Variants in INTS6L observed in about 807,000 individuals in gnomAD.
INTS6L encodes integrator complex subunit 6-like.
In INTS6L, 18 loss-of-function variants were observed where a neutral mutation model predicts 64.7. The ratio of observed to expected loss-of-function variants is 0.28; its 90% CI spans 0.19 to 0.41. The LOEUF is 0.41. INTS6L is among the 10% of genes least tolerant of loss of function. The pLI is 1.00. For synonymous variants in INTS6L, 227 were observed against 235.9 expected, an observed-to-expected ratio of 0.96 and a Z score of 0.34; for missense variants, 533 against 661.0, an observed-to-expected ratio of 0.81 and a Z score of 2.12.
intron 2 of INTS6L, among the ~76,000 whole-genome samples, chrX:135,534,269 A>C (rs1024095394): frequency 1.8e-5 from 2 of 109,548 alleles, no homozygotes; most frequent in Non-Finnish European, 1.9e-5. Context: ...ATGGTGAACT[A>C]TGTGTCAGTG....
intron 14 of INTS6L, among the ~76,000 whole-genome samples, chrX:135,575,975 C>T (rs1287385766): frequency 2.7e-5 from 3 of 111,838 alleles, no homozygotes; most frequent in African/African-American, 9.7e-5. Flanking sequence ...TCACCTAAAT[C>T]CTCAATTTAT....
chrX:135,558,228 G>A (rs1386639760), intron 9 of INTS6L, among the ~76,000 whole-genome samples: 2 of 111,760 alleles, frequency 1.8e-5, no homozygotes, highest in Non-Finnish European at 3.8e-5. Context: ...AACCAGTATG[G>A]AAAACAGATA....
At chrX:135,543,862 G>A (rs1556513939) in intron 2 of INTS6L, among the ~76,000 whole-genome samples, 1 of 112,142 alleles carries the variant, frequency 8.9e-6, no homozygotes, top group Non-Finnish European at 1.9e-5. Context: ...GCCATAAAGA[G>A]TTATTCTCAT....
At chrX:135,523,197 C>T (rs1556498759) in intron 2 of INTS6L, among the ~76,000 whole-genome samples, 1 of 106,607 alleles carries the variant, frequency 9.4e-6, no homozygotes, top group Non-Finnish European at 1.9e-5. Context: ...CCAGCCTGGG[C>T]AACATGGTGA....
At position 135,572,931 on chromosome X, in the gene INTS6L, T is replaced by C; in HGVS notation, c.1515T>C (p.Asn505=). The change falls in exon 12 of 18, where the codon AAT becomes AAC. Residue 505 remains asparagine, a synonymous_variant. Transcript: ENST00000639893. The part of the protein sequence containing the change: ...GGGMSLTHNK[N]FRKLLKEITG... ...GCATGTCCTTGACTCACAATAAAAATTTTAGAAAACTATTGAAAGAAATCA... is the reference window on the plus strand; with the variant it reads ...GCATGTCCTTGACTCACAATAAAAACTTTAGAAAACTATTGAAAGAAATCA... 4 of 1,211,148 alleles carry C rather than the reference T, an allele frequency of 3.3e-6. No individual in the cohort carries two copies. The highest frequency in any genetic ancestry group is 4.5e-6 in the Non-Finnish European group (4 of 895,036).
intron 9 of INTS6L, among the ~76,000 whole-genome samples, chrX:135,556,623 T>C (rs1602945372): frequency 9.0e-6 from 1 of 111,588 alleles, no homozygotes; most frequent in Middle Eastern, 4.6e-3. Context: ...AGAGCTACCA[T>C]GGGGTGGGAG....
chrX:135,526,399 C>T (rs2085738516), intron 2 of INTS6L, among the ~76,000 whole-genome samples: 1 of 111,711 alleles, frequency 9.0e-6, no homozygotes, highest in South Asian at 3.8e-4. Flanking sequence ...CCTCTCTTCT[C>T]TTCTCATGGA....
chrX:135,562,457 G>A lies in INTS6L; in HGVS notation c.1192+6157G>A, dbSNP rs1335826699. On this transcript the variant is annotated intron_variant, in intron 9 of 17. Transcript: ENST00000639893. The stretch of plus-strand genomic sequence containing the variant: ...CTTAATATATATTCCAGCAGTGCTT[G>A]AGAATAATGTATGGTCTCATGTTGT... 1.8e-4 allele frequency among the ~76,000 whole-genome samples: 20 copies of A among 112,035 alleles called. No individual in the cohort carries two copies. In the Admixed American group the frequency reaches 1.9e-3, roughly 11 times the overall value.
intron 8 of INTS6L, 68 bp from the exon 9 acceptor site, chrX:135,556,100 T>C (rs1556519130): frequency 2.9e-6 from 3 of 1,043,123 alleles, no homozygotes; most frequent in Non-Finnish European, 3.8e-6. Flanking sequence ...TATGGAATGT[T>C]ACAATGGGTT....
chrX:135,535,263 A>G (rs1369036572), intron 2 of INTS6L, among the ~76,000 whole-genome samples: 1 of 112,039 alleles, frequency 8.9e-6, no homozygotes, highest in Non-Finnish European at 1.9e-5. Flanking sequence ...AACCTCCTTT[A>G]TAGGTGTGCT....
Position 135,581,220 on chromosome X carries a change from G to C in INTS6L, c.2588+77G>C, listed in dbSNP as rs1478197739. 5.2e-6 allele frequency: 4 copies of C among 769,811 alleles called. No homozygotes were observed. In the East Asian group the frequency reaches 1.4e-4, roughly 28 times the overall value. The allele number at this position is 769,811 out of a possible 1,213,427, so 63.4% of individuals were successfully genotyped here. On this transcript the variant is annotated intron_variant, in intron 17 of 17. Coordinates refer to ENST00000639893, the MANE Select transcript of INTS6L (RefSeq NM_001351601.3). ...AGGGCCCAGTGCAGGAAAAAGAGAG[G>C]AATAGGCTCTGCCTTGCTTTTTTCT...
chrX:135,524,078 G>C (rs1165660811), intron 2 of INTS6L, among the ~76,000 whole-genome samples: 6 of 111,408 alleles, frequency 5.4e-5, no homozygotes, highest in African/African-American at 2.0e-4. Context: ...GCCATATTTT[G>C]GTAGCATTTT....
intron 8 of INTS6L, among the ~76,000 whole-genome samples, chrX:135,555,690 T>G (rs2086632209): frequency 9.0e-6 from 1 of 111,707 alleles, no homozygotes; most frequent in East Asian, 2.8e-4. Flanking sequence ...ACATTCATAT[T>G]TAGTAGGATT....
chrX:135,551,017 A>T (rs183995083), intron 7 of INTS6L, among the ~76,000 whole-genome samples: 1 of 112,617 alleles, frequency 8.9e-6, no homozygotes, highest in Non-Finnish European at 1.9e-5. Context: ...TAATTCACAC[A>T]TAGCTCATGT....
intron 9 of INTS6L, among the ~76,000 whole-genome samples, chrX:135,561,204 C>T (rs1011388514): frequency 3.6e-5 from 4 of 110,992 alleles, no homozygotes; most frequent in African/African-American, 1.3e-4. Flanking sequence ...CCATTCGCCT[C>T]GGCCTTCCAA....
chrX:135,531,155 G>C (rs2085895902), intron 2 of INTS6L, among the ~76,000 whole-genome samples: 1 of 112,579 alleles, frequency 8.9e-6, no homozygotes, highest in African/African-American at 3.2e-5. Context: ...CTTGGGCAAA[G>C]TTACTAATAT....
At chrX:135,565,040 G>A (rs192909893) in intron 9 of INTS6L, among the ~76,000 whole-genome samples, 69 of 111,573 alleles carry the variant, frequency 6.2e-4, no homozygotes, top group African/African-American at 2.1e-3. Flanking sequence ...GGAAGAGATA[G>A]GAATGCTTCA....
In INTS6L at chrX:135,569,335, A is replaced by G; in HGVS notation, c.1193-2A>G. ...ATGTAATATTTTATTTTTCTATTAC[A>G]GATGACTTGTTTAAAGTTCACAAGC... On this transcript the variant is annotated splice_acceptor_variant, in intron 9 of 17. Transcript: ENST00000639893. LOFTEE classifies it high-confidence loss of function. 8.6e-7 allele frequency: 1 copy of G among 1,162,640 alleles called. No homozygotes were observed. The highest frequency in any genetic ancestry group is 3.1e-5 in the East Asian group (1 of 32,414).
intron 9 of INTS6L, among the ~76,000 whole-genome samples, chrX:135,563,909 T>C (rs1444656151): frequency 9.1e-6 from 1 of 110,493 alleles, no homozygotes; most frequent in African/African-American, 3.3e-5. Context: ...CTGAGATTAT[T>C]CTGTTTGAGG....
Sources: allele counts gnomAD v4.1 joint callset (sites outside exome capture counted in the v4.1 genomes callset), GRCh38; gene constraint gnomAD v4.1.1; transcripts MANE v1.5; gene names NCBI Gene and HGNC (gene_info 2026-07-23, HGNC 2026-07-21).